MDM1: variants seen among roughly 807,000 people sequenced by gnomAD.
MDM1 encodes Mdm1 nuclear protein.
A neutral mutation model predicts 89.1 loss-of-function variants in MDM1; 61 were observed. That is an observed-to-expected ratio of 0.68 (90% confidence interval 0.56 to 0.85). The LOEUF (loss-of-function observed/expected upper bound fraction) is 0.85. Ranked by LOEUF, MDM1 falls within the 40% of genes least tolerant of loss-of-function variation. The pLI, the probability that MDM1 is intolerant of heterozygous loss-of-function variation, is 0.00. For missense variants in MDM1, 820 were observed against 846.5 expected (o/e 0.97, Z 0.39); for synonymous variants, 290 against 294.1 (o/e 0.99, Z 0.14).
intron 2 of MDM1, 150 bp from the exon 3 acceptor site, chr12:68,327,171 G>T: frequency 1.4e-6 from 2 of 1,389,998 alleles, no homozygotes; most frequent in Non-Finnish European, 1.9e-6. Flanking sequence ...CAGATTATAG[G>T]ATTTTAAAAG....
At chr12:68,329,125 A>C (rs1876429329) in intron 2 of MDM1, among the ~76,000 whole-genome samples, 1 of 152,178 alleles carries the variant, frequency 6.6e-6, no homozygotes, top group Non-Finnish European at 1.5e-5. Context: ...ACAGAGATTT[A>C]TTTGGATTCT....
chr12:68,296,858 T>G, intron 14 of MDM1, 65 bp downstream of exon 14: 1 of 1,104,386 alleles, frequency 9.1e-7, no homozygotes, highest in South Asian at 1.8e-5. Flanking sequence ...GCTAATCAAA[T>G]GTAAAGCCAT....
intron 7 of MDM1, among the ~76,000 whole-genome samples, chr12:68,317,349 C>G (rs897768735): frequency 6.6e-6 from 1 of 151,856 alleles, no homozygotes; most frequent in African/African-American, 2.4e-5. Context: ...TCAAAAAACA[C>G]TAATTTTTTA....
intron 12 of MDM1, among the ~76,000 whole-genome samples, chr12:68,309,041 C>T (rs1426586204): frequency 6.6e-6 from 1 of 152,238 alleles, no homozygotes; most frequent in Non-Finnish European, 1.5e-5. Flanking sequence ...ACAGCCTACT[C>T]TTGCCTCCTA....
chr12:68,302,568 TC>T, intron 13 of MDM1, 51 bp downstream of exon 13: 1 of 1,456,452 alleles, frequency 6.9e-7, no homozygotes, highest in Non-Finnish European at 9.4e-7. Context: ...TTTGTACCTA[TC>T]AGCATAACAC....
At chr12:68,303,954 C>T (rs1012575831) in intron 12 of MDM1, among the ~76,000 whole-genome samples, 1 of 152,164 alleles carries the variant, frequency 6.6e-6, no homozygotes, top group African/African-American at 2.4e-5. Context: ...AAGAAGGCAG[C>T]TAGCTGGACA....
At position 68,294,780 on chromosome 12, in the gene MDM1, C is replaced by G. The variant is rs1871164318; in HGVS notation, c.*474G>C. ...GCTGGTGTTTTCAAAGTACAATTATCTTAACACTGCAAACATGTATAGAAG... is the reference window on the plus strand; with the variant it reads ...GCTGGTGTTTTCAAAGTACAATTATGTTAACACTGCAAACATGTATAGAAG... On this transcript the variant is annotated 3_prime_UTR_variant, in exon 15 of 15. Coordinates refer to ENST00000682720, the MANE Select transcript of MDM1 (RefSeq NM_001354969.2). The G allele has an allele frequency of 6.6e-6, 1 of 152,138 alleles. No individual in the cohort carries two copies. Among genetic ancestry groups the G allele is most frequent in the Admixed American group, 6.6e-5 (1 of 15,266 alleles). 9.4% of individuals were successfully genotyped at this position (152,138 alleles called of 1,614,324 possible).
At chr12:68,326,544 C>T (rs1876008751) in intron 3 of MDM1, 113 bp downstream of exon 3, 1 of 1,606,856 alleles carries the variant, frequency 6.2e-7, no homozygotes, top group Non-Finnish European at 8.5e-7. Context: ...AGACATTAGA[C>T]AAGAAAACAA....
Position 68,315,004 on chromosome 12 carries a change from T to C in MDM1, c.1473A>G (p.Gly491=). The change falls in exon 10 of 15, where the codon GGA becomes GGG. Residue 491 remains glycine, a synonymous_variant. Transcript: ENST00000682720. ...CACGTACATCCAACTTCTCTTGCTC[T>C]CCCATAAAAGCCTGCTTGCCCGTTT... ...DRKTGKQAFM[G]EQEKLDVREK... is the part of the protein sequence containing the mutation. 1 of 1,614,200 alleles carries C rather than the reference T, an allele frequency of 6.2e-7. No individual in the cohort carries two copies. The highest frequency in any genetic ancestry group is 1.1e-5 in the South Asian group (1 of 91,086).
At chr12:68,302,979 A>C in intron 12 of MDM1, 107 bp from the exon 13 acceptor site, 27 of 959,604 alleles carry the variant, frequency 2.8e-5, no homozygotes, top group East Asian at 5.4e-5. Context: ...CAGAAGGAGA[A>C]ATATGAGAGA....
Position 68,314,929 on chromosome 12 carries a change from A to G in MDM1, c.1529+19T>C, listed in dbSNP as rs367951787. 8.8e-6 allele frequency: 14 copies of G among 1,585,054 alleles called. No individual in the cohort carries two copies. In the African/African-American group the frequency reaches 1.9e-4, roughly 21 times the overall value. On this transcript the variant is annotated intron_variant, in intron 10 of 14. Coordinates refer to ENST00000682720, the MANE Select transcript of MDM1 (RefSeq NM_001354969.2). Reference sequence around the variant, plus strand: ...ATGTAAATAACGCTTCTCTATACTGAGTAATTTAAAACTCTCACCCTTCTT... The same window carrying G: ...ATGTAAATAACGCTTCTCTATACTGGGTAATTTAAAACTCTCACCCTTCTT...
chr12:68,309,582 T>G (rs1474534474), intron 12 of MDM1, among the ~76,000 whole-genome samples: 1 of 152,224 alleles, frequency 6.6e-6, no homozygotes, highest in Non-Finnish European at 1.5e-5. Context: ...GCTAAATGAA[T>G]GAAGTGAGCA....
At chr12:68,327,460 G>A (rs1165424308) in intron 2 of MDM1, 2 of 1,535,904 alleles carry the variant, frequency 1.3e-6, no homozygotes, top group East Asian at 4.9e-5. Context: ...AAGATGAGAA[G>A]GGATGAGATG....
rs35426557 is a variant in MDM1 at position 68,302,881 on chromosome 12, CAAAAAA to C, written c.1750-15_1750-10del. 3.7e-4 allele frequency: 414 copies of C among 1,104,924 alleles called. No individual in the cohort carries two copies. The highest frequency in any genetic ancestry group is 1.6e-3 in the Middle Eastern group (5 of 3,200). The allele number at this position is 1,104,924 out of a possible 1,614,324, so 68.4% of individuals were successfully genotyped here. On this transcript the variant is annotated splice_polypyrimidine_tract_variant and intron_variant, in intron 12 of 14. Transcript: ENST00000682720. ...ACAGCACGACTTTCTTTCTAAATGA[CAAAAAA>C]AAAAAAAAAAAAAAGATGCCTATGT...
intron 2 of MDM1, chr12:68,327,603 C>G (rs778429512): frequency 1.3e-5 from 16 of 1,275,216 alleles, no homozygotes; most frequent in Non-Finnish European, 1.1e-5. Flanking sequence ...AAAAACTTAA[C>G]CTTCTATGAA....
At chr12:68,311,925 A>G (rs889905181) in intron 12 of MDM1, among the ~76,000 whole-genome samples, 3 of 152,140 alleles carry the variant, frequency 2.0e-5, no homozygotes, top group African/African-American at 7.2e-5. Context: ...TAAATCTGAT[A>G]AGCAATTGTC....
At chr12:68,306,747 T>C (rs182953633) in intron 12 of MDM1, among the ~76,000 whole-genome samples, 2 of 152,276 alleles carry the variant, frequency 1.3e-5, no homozygotes, top group East Asian at 3.9e-4. Flanking sequence ...TTGGCAAGGA[T>C]GCAGAGAAAA....
intron 10 of MDM1, 86 bp from the exon 11 acceptor site, chr12:68,313,839 T>C: frequency 8.2e-7 from 1 of 1,221,750 alleles, no homozygotes; most frequent in Non-Finnish European, 1.2e-6. Flanking sequence ...TGTGCAATAA[T>C]AAAGTATAAA....
intron 13 of MDM1, among the ~76,000 whole-genome samples, chr12:68,300,462 G>T (rs1871991407): frequency 6.6e-6 from 1 of 151,976 alleles, no homozygotes; most frequent in Admixed American, 6.6e-5. Flanking sequence ...AAGGTAAAGG[G>T]GTAGGAAAAG....
Sources: allele counts gnomAD v4.1 joint callset (sites outside exome capture counted in the v4.1 genomes callset), GRCh38; gene constraint gnomAD v4.1.1; transcripts MANE v1.5; gene names NCBI Gene and HGNC (gene_info 2026-07-23, HGNC 2026-07-21).